RPS6KC1: variants seen among roughly 807,000 people sequenced by gnomAD.
The protein encoded by RPS6KC1 is ribosomal protein S6 kinase C1, also known as inactive ribosomal protein S6 kinase delta-1.
Under a neutral mutation model 103.8 loss-of-function variants are expected in RPS6KC1, and 54 were observed. The observed-to-expected ratio is 0.52, with a 90% CI of 0.42 to 0.65. RPS6KC1 has a LOEUF of 0.65. Among genes scored for constraint, RPS6KC1 ranks in the 30% least tolerant of loss-of-function variants. RPS6KC1 has a pLI of 0.00. For synonymous variants in RPS6KC1, 439 were observed against 438.7 expected (o/e 1.00, Z -0.01); for missense variants, 1,151 against 1,253.8 (o/e 0.92, Z 1.24).
chr1:213,323,845 T>C, the RPS6KC1 span, among the ~76,000 whole-genome samples: 3 of 152,302 alleles, frequency 2.0e-5, no homozygotes, highest in South Asian at 2.1e-4. Context: ...TTTTTAACAA[T>C]CAATGAACCT....
intron 1 of RPS6KC1, among the ~76,000 whole-genome samples, chr1:213,057,430 A>G (rs111754886): frequency 0.01 from 1,592 of 152,288 alleles, 31 homozygotes; most frequent in African/African-American, 0.036. Flanking sequence ...AAATTCATTT[A>G]TCTACCACCA....
At chr1:213,117,146 C>T (rs1032608091) in intron 4 of RPS6KC1, among the ~76,000 whole-genome samples, 171 bp from the exon 5 acceptor site, 4 of 151,952 alleles carry the variant, frequency 2.6e-5, no homozygotes, top group Admixed American at 6.6e-5. Flanking sequence ...TTGTTACAGT[C>T]GATGAGATAT....
chr1:213,174,517 G>A (rs1245132629), intron 7 of RPS6KC1, among the ~76,000 whole-genome samples: 2 of 151,748 alleles, frequency 1.3e-5, no homozygotes, highest in Non-Finnish European at 2.9e-5. Flanking sequence ...TAAGAATACA[G>A]AAATTAGCTG....
chr1:213,604,568 T>C, the RPS6KC1 span, among the ~76,000 whole-genome samples: 1 of 152,240 alleles, frequency 6.6e-6, no homozygotes, highest in South Asian at 2.1e-4. Flanking sequence ...CTTGGTTTCC[T>C]GCTCAGAGCC....
the RPS6KC1 span, among the ~76,000 whole-genome samples, chr1:213,625,601 C>G: frequency 1.3e-5 from 2 of 152,156 alleles, no homozygotes; most frequent in Non-Finnish European, 2.9e-5. Flanking sequence ...CACAACAGTC[C>G]CCGGTGTGTG....
the RPS6KC1 span, among the ~76,000 whole-genome samples, chr1:213,460,163 A>C: frequency 6.6e-6 from 1 of 151,896 alleles, no homozygotes; most frequent in Non-Finnish European, 1.5e-5. Context: ...TTGTTGATCT[A>C]ATATTGACAG....
rs4951476 is a variant in RPS6KC1 at position 213,051,377 on chromosome 1, T to C, written c.-28T>C. 1,075,013 of 1,558,916 alleles carry C rather than the reference T, an allele frequency of 0.69. 372,584 individuals are homozygous for C. The highest frequency in any genetic ancestry group is 0.87 in the African/African-American group (63,778 of 73,720). On this transcript the variant is annotated 5_prime_UTR_variant, in exon 1 of 15. Transcript: ENST00000366960. ...GGTTTCCCTCATGATCCCGGGCGGG[T>C]GGCGGCGGCGGCAGAGGCGGCGGGA...
chr1:213,564,139 T>C, the RPS6KC1 span, among the ~76,000 whole-genome samples: 1 of 152,192 alleles, frequency 6.6e-6, no homozygotes, highest in Non-Finnish European at 1.5e-5. Context: ...CTCCTATATG[T>C]GTTGTATAAA....
chr1:213,768,694 A>G, the RPS6KC1 span, among the ~76,000 whole-genome samples: 1 of 152,228 alleles, frequency 6.6e-6, no homozygotes, highest in Non-Finnish European at 1.5e-5. Flanking sequence ...ATAGCATGGC[A>G]TAAAACTTTA....
chr1:213,649,916 C>T, the RPS6KC1 span, among the ~76,000 whole-genome samples: 1 of 152,176 alleles, frequency 6.6e-6, no homozygotes, highest in Non-Finnish European at 1.5e-5. Context: ...TGATCCCGAG[C>T]AATATCTTCT....
the RPS6KC1 span, among the ~76,000 whole-genome samples, chr1:213,348,916 A>T: frequency 6.6e-6 from 1 of 152,210 alleles, no homozygotes; most frequent in African/African-American, 2.4e-5. Context: ...TGCTCCTTGA[A>T]TTGAATGAAT....
chr1:213,593,675 G>A, the RPS6KC1 span, among the ~76,000 whole-genome samples: 1 of 152,022 alleles, frequency 6.6e-6, no homozygotes, highest in South Asian at 2.1e-4. Context: ...CGTGGTAAAG[G>A]GAAAGATACG....
chr1:213,193,894 C>T (rs1026368858), intron 8 of RPS6KC1, among the ~76,000 whole-genome samples: 5 of 152,030 alleles, frequency 3.3e-5, no homozygotes, highest in African/African-American at 1.2e-4. Flanking sequence ...TCCAAATGTG[C>T]TGGGATTGGA....
At chr1:213,304,276 T>C in the RPS6KC1 span, among the ~76,000 whole-genome samples, 1 of 151,250 alleles carries the variant, frequency 6.6e-6, no homozygotes, top group African/African-American at 2.4e-5. Context: ...GGACATACTC[T>C]GGGATAATTA....
At chr1:213,570,756 T>A in the RPS6KC1 span, among the ~76,000 whole-genome samples, 1 of 152,306 alleles carries the variant, frequency 6.6e-6, no homozygotes, top group South Asian at 2.1e-4. Flanking sequence ...CTAATGAATC[T>A]GAGCAACCCA....
the RPS6KC1 span, among the ~76,000 whole-genome samples, chr1:213,436,397 A>G: frequency 2.0e-5 from 3 of 152,348 alleles, 1 homozygote; most frequent in Non-Finnish European, 4.4e-5. Context: ...TTTATTTTAC[A>G]AAAAGTACCT....
At chr1:213,530,366 C>T in the RPS6KC1 span, among the ~76,000 whole-genome samples, 1 of 152,218 alleles carries the variant, frequency 6.6e-6, no homozygotes, top group African/African-American at 2.4e-5. Context: ...GCATCTCTGG[C>T]ATACCTGAAT....
At chr1:213,216,038 T>A (rs1573353727) in intron 8 of RPS6KC1, among the ~76,000 whole-genome samples, 1 of 152,288 alleles carries the variant, frequency 6.6e-6, no homozygotes, top group South Asian at 2.1e-4. Flanking sequence ...ATATTAACCT[T>A]AAATGTAAAT....
At chr1:213,799,684 G>C in the RPS6KC1 span, among the ~76,000 whole-genome samples, 1 of 152,188 alleles carries the variant, frequency 6.6e-6, no homozygotes, top group Non-Finnish European at 1.5e-5. Context: ...GGTGAACTGA[G>C]AGCAGTCTGA....
Sources: gnomAD v4.1 joint callset for allele counts (sites outside exome capture counted in the v4.1 genomes callset) on GRCh38, gnomAD v4.1.1 for gene constraint, MANE v1.5 for transcripts, NCBI Gene and HGNC (gene_info 2026-07-23, HGNC 2026-07-21) for gene names.